ABL1: variants seen among roughly 807,000 people sequenced by gnomAD.
ABL1 encodes tyrosine-protein kinase ABL1.
In ABL1, 11 loss-of-function variants were observed where a neutral mutation model predicts 94.7. The ratio of observed to expected loss-of-function variants is 0.12; its 90% CI spans 0.07 to 0.19. The LOEUF is 0.19. ABL1 is among the 10% of genes least tolerant of loss of function. The probability of loss-of-function intolerance (pLI) is 1.00; values close to 1 mark genes in which losing one functional copy is unlikely to be tolerated. For missense variants in ABL1, 1,082 were observed against 1,489.4 expected (o/e 0.73, Z 4.50); for synonymous variants, 656 against 622.4 (o/e 1.05, Z -0.80).
intron 1 of ABL1, among the ~76,000 whole-genome samples, chr9:130,797,779 A>G (rs1022205198): frequency 1.3e-5 from 2 of 152,182 alleles, no homozygotes; most frequent in Admixed American, 1.3e-4. Flanking sequence ...GTTATTCCAA[A>G]CACGTTCCAT....
chr9:130,844,540 T>C (rs1830731269), intron 1 of ABL1, among the ~76,000 whole-genome samples: 1 of 152,074 alleles, frequency 6.6e-6, no homozygotes, highest in African/African-American at 2.4e-5. Context: ...GGACTGTGTA[T>C]CTTCAGAAAG....
chr9:130,879,193 C>T (rs1298164772), intron 8 of ABL1, among the ~76,000 whole-genome samples: 1 of 152,208 alleles, frequency 6.6e-6, no homozygotes, highest in Admixed American at 6.5e-5. Flanking sequence ...TGATTTTTAT[C>T]TGGTCGTTTT....
At chr9:130,809,908 G>T (rs1483937771) in intron 1 of ABL1, among the ~76,000 whole-genome samples, 2 of 152,184 alleles carry the variant, frequency 1.3e-5, no homozygotes, top group Non-Finnish European at 2.9e-5. Flanking sequence ...TGCTATTCTG[G>T]TCTTGCTTAG....
chr9:130,856,463 C>G (rs1830977031), intron 3 of ABL1, among the ~76,000 whole-genome samples: 1 of 152,178 alleles, frequency 6.6e-6, no homozygotes, highest in South Asian at 2.1e-4. Context: ...CTCAAGCAAT[C>G]TGCCCTCCTC....
rs1831437611 is a variant in ABL1, at chr9:130,880,727, G to A, written c.1678+63G>A. ...CTTCCCTGCCAGAGGCTACATTCAGGCCATCATAGGCCAACGGGAAGCTGT... is the reference window on the plus strand; with the variant it reads ...CTTCCCTGCCAGAGGCTACATTCAGACCATCATAGGCCAACGGGAAGCTGT... On this transcript the variant is annotated intron_variant, in intron 10 of 10. Transcript: ENST00000318560. This position sits in a 1 kb window ranked among gnomAD's most constrained non-coding sequence, Gnocchi z 4.4. The A allele has an allele frequency of 2.6e-6, 4 of 1,562,234 alleles. No homozygotes were observed. In the South Asian group the frequency reaches 4.7e-5, roughly 18 times the overall value.
chr9:130,801,737 C>T (rs1169798464), intron 1 of ABL1, among the ~76,000 whole-genome samples: 1 of 152,154 alleles, frequency 6.6e-6, no homozygotes, highest in Non-Finnish European at 1.5e-5. Context: ...TGTCTTTTGG[C>T]TCATGTGTTC....
In ABL1 at chr9:130,884,282, T is replaced by C. The variant is rs780459611; in HGVS notation, c.1992T>C (p.Asn664=). 1.3e-6 allele frequency: 2 copies of C among 1,599,994 alleles called. No individual in the cohort carries two copies. Among genetic ancestry groups the C allele is most frequent in the Non-Finnish European group, 1.7e-6 (2 of 1,173,766 alleles). ...ADPAKSPKPS[N]GAGVPNGALR... Reference sequence around the variant, plus strand: ...CAGCCAAGTCCCCAAAGCCCAGCAATGGGGCTGGGGTCCCCAATGGAGCCC... The same window carrying C: ...CAGCCAAGTCCCCAAAGCCCAGCAACGGGGCTGGGGTCCCCAATGGAGCCC... Residue 664 remains asparagine (N), a synonymous_variant, in exon 11 of 11, where the codon AAT becomes AAC. Coordinates refer to ENST00000318560, the MANE Select transcript of ABL1 (RefSeq NM_005157.6). The surrounding 1 kb of genome is among the most constrained non-coding windows in gnomAD (Gnocchi z 5.6).
At chr9:130,819,580 C>T (rs1830333097) in intron 1 of ABL1, among the ~76,000 whole-genome samples, 1 of 145,220 alleles carries the variant, frequency 6.9e-6, no homozygotes. Flanking sequence ...ACTTTGTCAC[C>T]CAGGCCGGAG....
Position 130,801,749 on chromosome 9 carries a change from G to A in ABL1, c.137-52315G>A, listed in dbSNP as rs1009869398. Among the ~76,000 whole-genome samples the A allele has an allele frequency of 1.1e-4, 16 of 152,230 alleles. No homozygotes were observed. The East Asian group carries it at 1.2e-3, about 11-fold the overall frequency. ...CACTGTCTTTTGGCTCATGTGTTCCGATGAGAAGTCAGCCCTTCATTGGGT... is the reference window on the plus strand; with the variant it reads ...CACTGTCTTTTGGCTCATGTGTTCCAATGAGAAGTCAGCCCTTCATTGGGT... On this transcript the variant is annotated intron_variant, in intron 1 of 10. Coordinates refer to the ABL1 transcript ENST00000372348.
At chr9:130,870,651 A>C (rs1831236733) in intron 4 of ABL1, among the ~76,000 whole-genome samples, 1 of 152,222 alleles carries the variant, frequency 6.6e-6, no homozygotes, top group African/African-American at 2.4e-5. Flanking sequence ...GAGAGGGCTC[A>C]GAAGAATTAA....
chr9:130,828,946 C>T (rs928326880), intron 1 of ABL1, among the ~76,000 whole-genome samples: 3 of 151,598 alleles, frequency 2.0e-5, no homozygotes, highest in African/African-American at 7.3e-5. Context: ...TATGAAAGGC[C>T]ATATCATTGT....
At chr9:130,804,202 C>A (rs1830093149) in intron 1 of ABL1, among the ~76,000 whole-genome samples, 1 of 151,692 alleles carries the variant, frequency 6.6e-6, no homozygotes, top group Non-Finnish European at 1.5e-5. Flanking sequence ...TAAAAAAATA[C>A]AAAAAAATTA....
Position 130,885,619 on chromosome 9 carries a change from C to T in ABL1, c.3329C>T (p.Ala1110Val), listed in dbSNP as rs2133040927. The change falls in exon 11 of 11, where the codon GCC (alanine) becomes GTC (valine). Residue 1110 changes from alanine to valine, a missense_variant. By Grantham distance (64) the Ala-to-Val change is moderately conservative (BLOSUM62 0). Transcript: ENST00000318560. ...GCGACAGCAGGCAGTGGTCCAGCGG[C>T]CACTCAGGACTTCAGCAAGCTCCTC... ...CPATAGSGPA[A>V]TQDFSKLLSS... 6.2e-7 allele frequency: 1 copy of T among 1,613,354 alleles called. No homozygotes were observed. Among genetic ancestry groups the T allele is most frequent in the South Asian group, 1.1e-5 (1 of 91,070 alleles).
chr9:130,762,646 T>C (rs1286505857), intron 1 of ABL1, among the ~76,000 whole-genome samples: 1 of 152,078 alleles, frequency 6.6e-6, no homozygotes, highest in African/African-American at 2.4e-5. Flanking sequence ...GCGTGGTGGC[T>C]CACACCTGTA....
chr9:130,776,182 GCTCA>G (rs1481794135), intron 1 of ABL1, among the ~76,000 whole-genome samples: 1 of 152,222 alleles, frequency 6.6e-6, no homozygotes, highest in Admixed American at 6.5e-5. Flanking sequence ...TCACATGGCA[GCTCA>G]CTCAGGAATC....
intron 4 of ABL1, among the ~76,000 whole-genome samples, chr9:130,869,134 T>C (rs1232602880): frequency 6.6e-6 from 1 of 151,522 alleles, no homozygotes; most frequent in East Asian, 1.9e-4. Flanking sequence ...GCCACTGCAC[T>C]CTAGCCTGGG....
chr9:130,822,747 T>C (rs554199829), intron 1 of ABL1, among the ~76,000 whole-genome samples: 3 of 152,224 alleles, frequency 2.0e-5, no homozygotes, highest in Admixed American at 6.5e-5. Flanking sequence ...TTTTATTAAG[T>C]TTGTGCACTG....
chr9:130,882,717 G>A (rs1400179403), intron 10 of ABL1, among the ~76,000 whole-genome samples: 1 of 151,974 alleles, frequency 6.6e-6, no homozygotes, highest in Non-Finnish European at 1.5e-5. Context: ...GCATTTTTTA[G>A]TAGAGACGGG....
intron 1 of ABL1, among the ~76,000 whole-genome samples, chr9:130,808,460 T>G (rs1335874309): frequency 6.6e-6 from 1 of 152,102 alleles, no homozygotes; most frequent in Non-Finnish European, 1.5e-5. Flanking sequence ...GCCAGGCTGG[T>G]CTCGAACTCC....
Sources: allele counts gnomAD v4.1 joint callset (sites outside exome capture counted in the v4.1 genomes callset), GRCh38; gene constraint gnomAD v4.1.1; non-coding constraint Gnocchi (gnomAD v3.1); transcripts MANE v1.5; gene names NCBI Gene and HGNC (gene_info 2026-07-23, HGNC 2026-07-21).